GOLGA1: variants seen among roughly 807,000 people sequenced by gnomAD.
GOLGA1 encodes golgin subfamily A member 1.
GOLGA1 carries 63 observed loss-of-function variants against 119.7 expected under a neutral mutation model. The observed-to-expected ratio is 0.53, with a 90% CI of 0.43 to 0.65. GOLGA1 has a LOEUF of 0.65. GOLGA1 is among the 30% of genes least tolerant of loss of function. The pLI is 0.00. For synonymous variants in GOLGA1, 318 were observed against 333.4 expected (o/e 0.95, Z 0.50); for missense variants, 798 against 912.8 (o/e 0.87, Z 1.62).
chr9:124,923,082 CA>C lies in GOLGA1; in HGVS notation c.561+12del. ...TCTATTCAGTATTTAGCTACTAAAACAAAAATGCATACCATGTGCTTTATTT... is the reference window on the plus strand; with the variant it reads ...TCTATTCAGTATTTAGCTACTAAAACAAAATGCATACCATGTGCTTTATTT... On this transcript the variant is annotated intron_variant, in intron 8 of 22. Coordinates refer to ENST00000373555, the MANE Select transcript of GOLGA1 (RefSeq NM_002077.4). 1.3e-6 allele frequency: 2 copies of C among 1,596,948 alleles called. No individual in the cohort carries two copies. The highest frequency in any genetic ancestry group is 1.7e-5 in the Admixed American group (1 of 57,892).
At chr9:124,912,473 G>T (rs1830359763) in intron 10 of GOLGA1, among the ~76,000 whole-genome samples, 1 of 152,196 alleles carries the variant, frequency 6.6e-6, no homozygotes, top group Non-Finnish European at 1.5e-5. Flanking sequence ...ACAGGACAGG[G>T]ACCACAGCAG....
At chr9:124,939,679 C>G (rs1215266302) in intron 2 of GOLGA1, among the ~76,000 whole-genome samples, 1 of 150,672 alleles carries the variant, frequency 6.6e-6, no homozygotes, top group South Asian at 2.1e-4. Context: ...TCTCCTGCCT[C>G]AGCCTCCCGA....
chr9:124,894,203 T>C (rs1829914714), intron 15 of GOLGA1, among the ~76,000 whole-genome samples: 1 of 152,212 alleles, frequency 6.6e-6, no homozygotes, highest in Admixed American at 6.5e-5. Flanking sequence ...ACTGCTACCC[T>C]ACCTGCGGCT....
In GOLGA1 at chr9:124,888,824, C is replaced by G. The variant is rs567693260; in HGVS notation, c.1761+319G>C. 1.3e-5 allele frequency among the ~76,000 whole-genome samples: 2 copies of G among 152,172 alleles called. No individual in the cohort carries two copies. Among genetic ancestry groups the G allele is most frequent in the South Asian group, 4.1e-4 (2 of 4,828 alleles). On this transcript the variant is annotated intron_variant, in intron 18 of 22. Coordinates refer to ENST00000373555, the MANE Select transcript of GOLGA1 (RefSeq NM_002077.4). The surrounding 1 kb of genome is among the most constrained non-coding windows in gnomAD (Gnocchi z 4.4). ...ACATCATTCTCCTGCCTCAGCCTCCCGAGTAGCTGGGACTACAGGCACTCG... is the reference window on the plus strand; with the variant it reads ...ACATCATTCTCCTGCCTCAGCCTCCGGAGTAGCTGGGACTACAGGCACTCG...
At chr9:124,887,215 G>A (rs1338439957) in intron 19 of GOLGA1, among the ~76,000 whole-genome samples, 1 of 152,304 alleles carries the variant, frequency 6.6e-6, no homozygotes, top group East Asian at 1.9e-4. Context: ...GGTCCTAGGG[G>A]ACAAACGGGA....
At chr9:124,885,146 G>A (rs1182964797) in intron 19 of GOLGA1, among the ~76,000 whole-genome samples, 1 of 152,224 alleles carries the variant, frequency 6.6e-6, no homozygotes, top group African/African-American at 2.4e-5. Context: ...GGCCAACATG[G>A]TGAAACCCCA....
intron 3 of GOLGA1, among the ~76,000 whole-genome samples, chr9:124,936,397 A>G (rs1830870064): frequency 1.3e-5 from 2 of 152,110 alleles, no homozygotes; most frequent in South Asian, 4.1e-4. Flanking sequence ...TCGCCAGGAG[A>G]AGACAGACAT....
At chr9:124,909,590 C>T (rs902529116) in intron 11 of GOLGA1, among the ~76,000 whole-genome samples, 2 of 126,478 alleles carry the variant, frequency 1.6e-5, no homozygotes, top group Non-Finnish European at 3.2e-5. Context: ...GCCTGGGCAA[C>T]AGAGTGAGAC....
Position 124,933,382 on chromosome 9 carries a change from G to C in GOLGA1, c.136-1976C>G, listed in dbSNP as rs182697183. Among the ~76,000 whole-genome samples the C allele has an allele frequency of 1.3e-3, 203 of 152,200 alleles. 3 individuals are homozygous for C. Among genetic ancestry groups the C allele is most frequent in the African/African-American group, 4.5e-3 (187 of 41,526 alleles). Reference sequence around the variant, plus strand: ...TGTTTGTGCAAAAATATGGGTTTATGCTGAATACCTGGTTTCCTTCTGGAG... The same window carrying C: ...TGTTTGTGCAAAAATATGGGTTTATCCTGAATACCTGGTTTCCTTCTGGAG... On this transcript the variant is annotated intron_variant, in intron 3 of 22. Coordinates refer to ENST00000373555, the MANE Select transcript of GOLGA1 (RefSeq NM_002077.4).
chr9:124,932,018 CA>C (rs750291855), intron 3 of GOLGA1, among the ~76,000 whole-genome samples: 2 of 152,148 alleles, frequency 1.3e-5, no homozygotes, highest in Non-Finnish European at 2.9e-5. Flanking sequence ...GCTAATAACT[CA>C]GTTTTTAAAA....
At chr9:124,905,322 C>T (rs1830203975) in intron 12 of GOLGA1, among the ~76,000 whole-genome samples, 1 of 151,310 alleles carries the variant, frequency 6.6e-6, no homozygotes, top group African/African-American at 2.4e-5. Context: ...ATTAGCCAGG[C>T]GTGGAGGCAG....
At chr9:124,925,383 A>C (rs1251812756) in intron 7 of GOLGA1, among the ~76,000 whole-genome samples, 1 of 149,130 alleles carries the variant, frequency 6.7e-6, no homozygotes, top group Non-Finnish European at 1.5e-5. Context: ...TTTCAAGCAC[A>C]GGTTTCCTTG....
At chr9:124,912,261 A>G (rs1375470071) in intron 10 of GOLGA1, among the ~76,000 whole-genome samples, 2 of 152,170 alleles carry the variant, frequency 1.3e-5, no homozygotes, top group East Asian at 3.8e-4. Context: ...CTTCCCAATT[A>G]AACAACTGAC....
chr9:124,885,903 C>T (rs13283523), intron 19 of GOLGA1, among the ~76,000 whole-genome samples: 42,502 of 152,070 alleles, frequency 0.28, 7,416 homozygotes, highest in Non-Finnish European at 0.38. Context: ...ATACCATCTT[C>T]CAGAGAAGAG....
chr9:124,938,496 T>G, intron 3 of GOLGA1, 81 bp downstream of exon 3: 1 of 1,158,192 alleles, frequency 8.6e-7, no homozygotes, highest in Non-Finnish European at 1.3e-6. Flanking sequence ...ATGAAAGGTA[T>G]GAAATAATCA....
chr9:124,905,160 A>C (rs1830200506), intron 12 of GOLGA1, among the ~76,000 whole-genome samples: 1 of 149,756 alleles, frequency 6.7e-6, no homozygotes. Context: ...AATAATAATA[A>C]TAAAATAAAA....
Position 124,929,293 on chromosome 9 carries a change from TG to T in GOLGA1, c.227-4del, listed in dbSNP as rs1830730079. The T allele has an allele frequency of 1.3e-6, 2 of 1,596,034 alleles. No homozygotes were observed. Among genetic ancestry groups the T allele is most frequent in the Non-Finnish European group, 1.7e-6 (2 of 1,163,582 alleles). ...GTTTCGGACCTGTTCAGCATAGTCT[TG>T]GGTGAGGAGGGTGACGCACATACCA... On this transcript the variant is annotated splice_polypyrimidine_tract_variant and splice_region_variant and intron_variant, in intron 4 of 22. Transcript: ENST00000373555.
At chr9:124,933,064 T>C (rs997593884) in intron 3 of GOLGA1, among the ~76,000 whole-genome samples, 7 of 152,148 alleles carry the variant, frequency 4.6e-5, no homozygotes, top group African/African-American at 1.7e-4. Context: ...TAGTGAGACA[T>C]AGGAGACATC....
intron 3 of GOLGA1, among the ~76,000 whole-genome samples, chr9:124,937,888 C>G (rs1010005947): frequency 1.3e-5 from 2 of 151,650 alleles, no homozygotes; most frequent in South Asian, 2.1e-4. Flanking sequence ...TTTGAGACCA[C>G]CCTGGGCAAC....
Sources: allele counts gnomAD v4.1 joint callset (sites outside exome capture counted in the v4.1 genomes callset), GRCh38; gene constraint gnomAD v4.1.1; non-coding constraint Gnocchi (gnomAD v3.1); transcripts MANE v1.5; gene names NCBI Gene and HGNC (gene_info 2026-07-23, HGNC 2026-07-21).